ZBTB16: variants seen among roughly 807,000 people sequenced by gnomAD.
ZBTB16 encodes the protein zinc finger and BTB domain containing 16, also known as zinc finger and BTB domain-containing protein 16.
ZBTB16 carries 8 observed loss-of-function variants against 56.8 expected under a neutral mutation model. The observed-to-expected ratio is 0.14, with a 90% CI of 0.08 to 0.25. The LOEUF is 0.25. Ranked by LOEUF, ZBTB16 falls within the 10% of genes least tolerant of loss-of-function variation. ZBTB16 has a pLI of 1.00. For missense variants in ZBTB16, 625 were observed against 903.0 expected (o/e 0.69, Z 3.95); for synonymous variants, 363 against 368.5 (o/e 0.98, Z 0.17).
chr11:114,240,252 C>CT (rs1328984567), intron 4 of ZBTB16, among the ~76,000 whole-genome samples: 4 of 152,170 alleles, frequency 2.6e-5, no homozygotes, highest in Non-Finnish European at 5.9e-5. Context: ...TGGGCCTTGC[C>CT]TGCCTACTAG....
Position 114,247,199 on chromosome 11 carries a change from C to T in ZBTB16, c.1626C>T (p.Gly542=), listed in dbSNP as rs111400906. Residue 542 remains glycine (G), a splice_region_variant and synonymous_variant, in exon 6 of 7, where the codon GGC becomes GGT. Coordinates refer to ENST00000335953, the MANE Select transcript of ZBTB16 (RefSeq NM_006006.6). ...ALKRHLRSHT[G]DHPYECEFCG... is the part of the protein sequence containing the mutation. ...TGATCCAGCCCCTTGTCTCCACAGG[C>T]GACCACCCCTACGAGTGTGAGTTCT... 157 of 1,614,120 alleles carry T rather than the reference C, an allele frequency of 9.7e-5. No homozygotes were observed. The highest frequency in any genetic ancestry group is 4.9e-4 in the Middle Eastern group (3 of 6,084).
At chr11:114,154,134 A>T (rs1195846152) in intron 2 of ZBTB16, among the ~76,000 whole-genome samples, 1 of 152,206 alleles carries the variant, frequency 6.6e-6, no homozygotes, top group Non-Finnish European at 1.5e-5. Context: ...TTTGATTTGG[A>T]ACCCTCATGG....
chr11:114,100,568 A>G (rs991944423), intron 2 of ZBTB16, among the ~76,000 whole-genome samples: 12 of 152,282 alleles, frequency 7.9e-5, no homozygotes, highest in African/African-American at 2.9e-4. Flanking sequence ...TGTTTAAACT[A>G]AGACCGATTT....
chr11:114,246,061 A>G (rs1263555912), intron 5 of ZBTB16, among the ~76,000 whole-genome samples: 1 of 152,072 alleles, frequency 6.6e-6, no homozygotes, highest in Non-Finnish European at 1.5e-5. Context: ...TATTCTCCAC[A>G]CCCCAACCTC....
In ZBTB16 at chr11:114,250,185, G is replaced by A. The variant is rs1376310820; in HGVS notation, c.1793-141G>A. ...ACTGGTGGCTGCCGTCTTGGGTGGT[G>A]CCTTCATTGTCCCAGAAAGTTCTGT... On this transcript the variant is annotated intron_variant, in intron 6 of 6. Coordinates refer to ENST00000335953, the MANE Select transcript of ZBTB16 (RefSeq NM_006006.6). This position sits in a 1 kb window ranked among gnomAD's most constrained non-coding sequence, Gnocchi z 6.0. The A allele has an allele frequency of 1.5e-5, 13 of 845,748 alleles. No homozygotes were observed. In the Admixed American group the frequency reaches 2.5e-4, roughly 16 times the overall value. The allele number at this position is 845,748 out of a possible 1,614,324, so 52.4% of individuals were successfully genotyped here. A position where few individuals can be genotyped will look rare whatever the true frequency, so the allele number is the denominator to read the frequency against.
chr11:114,106,730 G>A (rs1940804110), intron 2 of ZBTB16, among the ~76,000 whole-genome samples: 5 of 152,020 alleles, frequency 3.3e-5, no homozygotes, highest in South Asian at 4.2e-4. Flanking sequence ...CACCTCAGCC[G>A]CCCAAAGTGC....
At chr11:114,235,787 TCTC>T (rs1944576063) in intron 4 of ZBTB16, among the ~76,000 whole-genome samples, 1 of 144,136 alleles carries the variant, frequency 6.9e-6, no homozygotes, top group African/African-American at 2.9e-5. Flanking sequence ...CTTCCTTCCT[TCTC>T]CTTTTTTTTT....
At chr11:114,210,162 A>AGTGTGTGTGTGTGTGTGTGT (rs139074973) in intron 4 of ZBTB16, among the ~76,000 whole-genome samples, 10 of 134,640 alleles carry the variant, frequency 7.4e-5, no homozygotes, top group African/African-American at 2.8e-4. Flanking sequence ...AGCCAAAGCT[A>AGTGTGTGTGTGTGTGTGTGT]GTGTGTGTGT....
intron 2 of ZBTB16, among the ~76,000 whole-genome samples, chr11:114,122,475 A>C (rs1941373124): frequency 6.6e-6 from 1 of 152,164 alleles, no homozygotes; most frequent in Admixed American, 6.5e-5. Context: ...TTTTGGTGGA[A>C]AGTAAAATAA....
At chr11:114,168,899 C>T (rs1478800030) in intron 3 of ZBTB16, among the ~76,000 whole-genome samples, 1 of 152,152 alleles carries the variant, frequency 6.6e-6, no homozygotes, top group Non-Finnish European at 1.5e-5. Context: ...TCCTGCTCTG[C>T]CAGAGGAGCA....
At chr11:114,231,948 C>T (rs941561548) in intron 4 of ZBTB16, among the ~76,000 whole-genome samples, 2 of 152,130 alleles carry the variant, frequency 1.3e-5, no homozygotes, top group African/African-American at 4.8e-5. Flanking sequence ...TAGTAACCCA[C>T]CCAGGAGTGC....
chr11:114,199,437 C>T (rs1162296171), intron 4 of ZBTB16, among the ~76,000 whole-genome samples: 3 of 152,300 alleles, frequency 2.0e-5, no homozygotes, highest in East Asian at 1.9e-4. Flanking sequence ...ATGGGGATGC[C>T]AGCCATGGAT....
intron 3 of ZBTB16, among the ~76,000 whole-genome samples, chr11:114,176,250 G>C (rs1591752802): frequency 2.0e-5 from 3 of 152,222 alleles, no homozygotes; most frequent in Admixed American, 2.0e-4. Flanking sequence ...GGTGATTGTT[G>C]GTGTTTAGGA....
intron 2 of ZBTB16, among the ~76,000 whole-genome samples, chr11:114,125,004 A>G (rs1284615784): frequency 6.6e-6 from 1 of 151,962 alleles, no homozygotes; most frequent in Non-Finnish European, 1.5e-5. Flanking sequence ...AGGGAGGCAG[A>G]TAGTTACTGG....
At position 114,064,472 on chromosome 11, in the gene ZBTB16, T is replaced by C; in HGVS notation, c.1172T>C (p.Leu391Pro). 6.2e-7 allele frequency: 1 copy of C among 1,614,112 alleles called. No individual in the cohort carries two copies. Among genetic ancestry groups the C allele is most frequent in the Non-Finnish European group, 8.5e-7 (1 of 1,180,028 alleles). The part of the protein sequence containing the change: ...QRELFSKLGE[L>P]AVGMKSESRT... Reference sequence around the variant, plus strand: ...GAGCTGTTCAGCAAGCTGGGGGAGCTGGCTGTGGGCATGAAGTCAGAGAGC... The same window carrying C: ...GAGCTGTTCAGCAAGCTGGGGGAGCCGGCTGTGGGCATGAAGTCAGAGAGC... The change falls in exon 2 of 7, where the codon CTG becomes CCG. Residue 391 changes from leucine (L) to proline (P), a missense_variant. Transcript: ENST00000335953. The surrounding 1 kb of genome is among the most constrained non-coding windows in gnomAD (Gnocchi z 4.2).
intron 4 of ZBTB16, among the ~76,000 whole-genome samples, chr11:114,214,227 C>T (rs549501399): frequency 4.4e-4 from 67 of 152,096 alleles, no homozygotes; most frequent in African/African-American, 1.5e-3. Context: ...TAACTCAGGG[C>T]CTGGTACACA....
chr11:114,083,203 T>G (rs950390006), intron 2 of ZBTB16, among the ~76,000 whole-genome samples: 2 of 152,240 alleles, frequency 1.3e-5, no homozygotes, highest in African/African-American at 4.8e-5. Context: ...TTTGGTTGTT[T>G]TGTTTTTCTC....
At chr11:114,062,902 G>C (rs1938939820) in intron 1 of ZBTB16, among the ~76,000 whole-genome samples, 1 of 152,198 alleles carries the variant, frequency 6.6e-6, no homozygotes, top group South Asian at 2.1e-4. Context: ...CACAGAGAAA[G>C]CTGAGGACTT....
Position 114,148,385 on chromosome 11 carries a change from CTTCCTCCT to C in ZBTB16, c.1269-7950_1269-7943del, listed in dbSNP as rs1413114040. ...CCTTCCTTCCTTCCTTCCTTCCTTCCTTCCTCCTTCCCTCCCTCCCTCCCTCCCTCCCT... is the reference window on the plus strand; with the variant it reads ...CCTTCCTTCCTTCCTTCCTTCCTTCCTCCCTCCCTCCCTCCCTCCCTCCCT... On this transcript the variant is annotated intron_variant, in intron 2 of 6. Transcript: ENST00000335953. Among the ~76,000 whole-genome samples, 547 of 127,546 alleles carry C rather than the reference CTTCCTCCT, an allele frequency of 4.3e-3. 14 individuals are homozygous for C. Among genetic ancestry groups the C allele is most frequent in the African/African-American group, 0.017 (520 of 31,178 alleles). 83.7% of individuals were successfully genotyped at this position (127,546 alleles called of 152,430 possible). A position where few individuals can be genotyped will look rare whatever the true frequency, so the allele number is the denominator to read the frequency against.
Sources: allele counts gnomAD v4.1 joint callset (sites outside exome capture counted in the v4.1 genomes callset), GRCh38; gene constraint gnomAD v4.1.1; non-coding constraint Gnocchi (gnomAD v3.1); transcripts MANE v1.5; gene names NCBI Gene and HGNC (gene_info 2026-07-23, HGNC 2026-07-21).